DDC: variants seen among roughly 807,000 people sequenced by gnomAD.
DDC encodes the protein dopa decarboxylase.
Under a neutral mutation model 60.0 loss-of-function variants are expected in DDC, and 43 were observed. That is an observed-to-expected ratio of 0.72 (90% CI 0.56 to 0.92). The LOEUF (loss-of-function observed/expected upper bound fraction) is 0.92. Among genes scored for constraint, DDC ranks in the 40% least tolerant of loss-of-function variants. The probability of loss-of-function intolerance (pLI) is 0.00; values close to 1 mark genes in which losing one functional copy is unlikely to be tolerated. For missense variants in DDC, 573 were observed against 620.2 expected, an observed-to-expected ratio of 0.92 and a Z score of 0.81; for synonymous variants, 232 against 234.6, an observed-to-expected ratio of 0.99 and a Z score of 0.10.
Position 50,527,865 on chromosome 7 carries a change from C to CA in DDC, c.714+271dup, listed in dbSNP as rs59085745. On this transcript the variant is annotated intron_variant, in intron 6 of 14. Coordinates refer to ENST00000444124, the MANE Select transcript of DDC (RefSeq NM_001082971.2). ...GTGGAATTGACTTGAATTGACAAAA[C>CA]AAAAAAAAAAATGGAGGTAAAAAGC... 9.4e-3 allele frequency: 3,014 copies of CA among 321,182 alleles called. 4 individuals are homozygous for CA. Among genetic ancestry groups the CA allele is most frequent in the Middle Eastern group, 0.027 (26 of 958 alleles). The allele number at this position is 321,182 out of a possible 1,614,324, so 19.9% of individuals were successfully genotyped here. A position where few individuals can be genotyped will look rare whatever the true frequency, so the allele number is the denominator to read the frequency against.
chr7:50,492,847 C>T (rs1337869561), intron 9 of DDC: 6 of 1,549,316 alleles, frequency 3.9e-6, no homozygotes, highest in African/African-American at 2.7e-5. Flanking sequence ...AGCGCACAGC[C>T]GCCAACTTGC....
intron 9 of DDC, chr7:50,492,629 C>A: frequency 9.3e-7 from 1 of 1,079,866 alleles, no homozygotes; most frequent in Non-Finnish European, 1.2e-6. Context: ...GACTTCCAGA[C>A]ACCGCAGGCC....
rs753275419 is a variant in DDC, at chr7:50,539,904, C to T, written c.315+11G>A. ...CCAGGACCCCTTCCCGAGGTGCATCCGGACCCTCACCCAGGAGAAGCCGAT... is the reference window on the plus strand; with the variant it reads ...CCAGGACCCCTTCCCGAGGTGCATCTGGACCCTCACCCAGGAGAAGCCGAT... On this transcript the variant is annotated intron_variant, in intron 3 of 14. Coordinates refer to ENST00000444124, the MANE Select transcript of DDC (RefSeq NM_001082971.2). The T allele has an allele frequency of 4.6e-5, 74 of 1,608,148 alleles. 2 individuals carry two copies. The Middle Eastern group carries it at 2.5e-3, about 54-fold the overall frequency.
chr7:50,479,980 C>T, intron 9 of DDC, 117 bp from the exon 10 acceptor site: 1 of 749,234 alleles, frequency 1.3e-6, no homozygotes. Context: ...CCCTGAACAC[C>T]ACTCTGCCTG....
chr7:50,505,405 A>G (rs1043027976), intron 6 of DDC, among the ~76,000 whole-genome samples: 1 of 152,220 alleles, frequency 6.6e-6, no homozygotes, highest in Non-Finnish European at 1.5e-5. Flanking sequence ...AAGAGTGTGG[A>G]ATAGAATTAA....
At chr7:50,529,364 A>C in intron 4 of DDC, 22 bp from the exon 5 acceptor site, 1 of 1,614,098 alleles carries the variant, frequency 6.2e-7, no homozygotes, top group Non-Finnish European at 8.5e-7. Flanking sequence ...AGAAGGTCCA[A>C]ATGAAATCCC....
chr7:50,477,023 G>A (rs868275405), intron 10 of DDC, among the ~76,000 whole-genome samples: 1 of 152,064 alleles, frequency 6.6e-6, no homozygotes, highest in Non-Finnish European at 1.5e-5. Context: ...TGTGATATAC[G>A]GAGTGATTAG....
chr7:50,549,476 C>T (rs1156347583), intron 1 of DDC, among the ~76,000 whole-genome samples: 1 of 152,022 alleles, frequency 6.6e-6, no homozygotes, highest in African/African-American at 2.4e-5. Flanking sequence ...CACGGTGAAA[C>T]CCCATCTGTA....
intron 6 of DDC, among the ~76,000 whole-genome samples, chr7:50,510,073 G>T (rs565311365): frequency 6.6e-6 from 1 of 152,118 alleles, no homozygotes; most frequent in East Asian, 2.0e-4. Flanking sequence ...CGGGGTTCAG[G>T]CCATTCTCTC....
chr7:50,459,326 G>A lies in DDC; in HGVS notation c.*19-483C>T, dbSNP rs191553425. On this transcript the variant is annotated intron_variant, in intron 14 of 14. Coordinates refer to ENST00000444124, the MANE Select transcript of DDC (RefSeq NM_001082971.2). The stretch of plus-strand genomic sequence containing the variant: ...TCGCTACAACCTCCACCTCCCAGCC[G>A]CCTGCCTTGGCCTCCCAAAGTGCCG... 5.5e-3 allele frequency among the ~76,000 whole-genome samples: 844 copies of A among 152,312 alleles called. 8 individuals are homozygous for A. Among genetic ancestry groups the A allele is most frequent in the African/African-American group, 0.02 (812 of 41,572 alleles).
At chr7:50,550,320 T>C (rs980257983) in intron 1 of DDC, among the ~76,000 whole-genome samples, 12 of 152,254 alleles carry the variant, frequency 7.9e-5, no homozygotes, top group Non-Finnish European at 1.0e-4. Context: ...TTAAGGTATA[T>C]ACTTTTTATA....
chr7:50,549,656 CA>C (rs58449351), intron 1 of DDC, among the ~76,000 whole-genome samples: 14,546 of 94,966 alleles, frequency 0.15, 750 homozygotes, highest in South Asian at 0.21. Flanking sequence ...GACTCTGTCT[CA>C]AAAAAAAAAA....
intron 9 of DDC, among the ~76,000 whole-genome samples, chr7:50,481,883 T>C (rs1381246394): frequency 1.3e-5 from 2 of 152,254 alleles, no homozygotes; most frequent in East Asian, 3.8e-4. Context: ...AAAATAGACC[T>C]ATGAGTTTCA....
At chr7:50,493,830 G>A (rs2153538698) in intron 9 of DDC, among the ~76,000 whole-genome samples, 1 of 151,694 alleles carries the variant, frequency 6.6e-6, no homozygotes, top group East Asian at 1.9e-4. Context: ...AAAAAAAACA[G>A]GAAAAGGTCA....
intron 10 of DDC, chr7:50,477,610 C>A: frequency 2.2e-6 from 1 of 450,924 alleles, no homozygotes; most frequent in South Asian, 1.6e-5. Context: ...CTGAAGTCAC[C>A]ACTTGGTATC....
At chr7:50,536,151 T>C (rs2044402724) in intron 4 of DDC, among the ~76,000 whole-genome samples, 1 of 152,202 alleles carries the variant, frequency 6.6e-6, no homozygotes, top group African/African-American at 2.4e-5. Flanking sequence ...AAGTCACCCC[T>C]CTGCCCACTG....
At chr7:50,533,840 A>C (rs904119441) in intron 4 of DDC, among the ~76,000 whole-genome samples, 1 of 152,204 alleles carries the variant, frequency 6.6e-6, no homozygotes, top group Non-Finnish European at 1.5e-5. Context: ...GGGAGGGTCA[A>C]AATGAGGGGA....
intron 12 of DDC, among the ~76,000 whole-genome samples, chr7:50,468,831 G>A (rs562584350): frequency 2.0e-5 from 3 of 152,006 alleles, no homozygotes; most frequent in African/African-American, 7.3e-5. Flanking sequence ...AAGGACACCA[G>A]GATCAGAGAG....
chr7:50,523,886 C>A (rs1241755137), intron 6 of DDC, among the ~76,000 whole-genome samples: 4 of 152,304 alleles, frequency 2.6e-5, no homozygotes, highest in Middle Eastern at 3.4e-3. Flanking sequence ...TATAGCACTT[C>A]ATTAATAACT....
Sources: allele counts gnomAD v4.1 joint callset (sites outside exome capture counted in the v4.1 genomes callset), GRCh38; gene constraint gnomAD v4.1.1; transcripts MANE v1.5; gene names NCBI Gene and HGNC (gene_info 2026-07-23, HGNC 2026-07-21).